The following CLVS1 variants were observed in gnomAD, a reference collection of about 807,000 sequenced individuals.
The protein encoded by CLVS1 is clavesin-1.
A neutral mutation model predicts 33.1 loss-of-function variants in CLVS1; 10 were observed. The ratio of observed to expected loss-of-function variants is 0.30; its 90% CI spans 0.19 to 0.51. The LOEUF is 0.51. CLVS1 is among the 20% of genes least tolerant of loss of function. CLVS1 has a pLI of 0.97. For missense variants in CLVS1, 343 were observed against 433.4 expected (o/e 0.79, Z 1.85); for synonymous variants, 163 against 166.1 (o/e 0.98, Z 0.14).
intron 5 of CLVS1, among the ~76,000 whole-genome samples, chr8:61,498,207 G>C (rs149066187): frequency 5.9e-5 from 9 of 152,280 alleles, no homozygotes; most frequent in African/African-American, 2.2e-4. Flanking sequence ...AACTGATACA[G>C]TGTGACCTAA....
At position 61,458,336 on chromosome 8, in the gene CLVS1, C is replaced by G; in HGVS notation, c.771C>G (p.Ser257Arg). The change falls in exon 5 of 6, where the codon AGC (serine) becomes AGG (arginine). Residue 257 changes from serine (S) to arginine (R), a missense_variant. Around this residue, in one of 4 missense-constraint regions of CLVS1, gnomAD observed 166 missense variants for 244.0 expected, o/e 0.68. Transcript: ENST00000325897. Reference sequence around the variant, plus strand: ...TCCTGCATGGAAACAATTTAAACAGCCTTCACCAGCTAATACACCCTGAAT... The same window carrying G: ...TCCTGCATGGAAACAATTTAAACAGGCTTCACCAGCTAATACACCCTGAAT... ...RIFLHGNNLN[S>R]LHQLIHPEFL... 2 of 1,613,852 alleles carry G rather than the reference C, an allele frequency of 1.2e-6. No homozygotes were observed. Among genetic ancestry groups the G allele is most frequent in the Non-Finnish European group, 1.7e-6 (2 of 1,179,860 alleles).
chr8:61,018,334 C>T, the CLVS1 span, among the ~76,000 whole-genome samples: 1 of 151,108 alleles, frequency 6.6e-6, no homozygotes, highest in Non-Finnish European at 1.5e-5. Context: ...ATACACAAAT[C>T]TAATATTTTA....
At chr8:60,982,496 T>A in the CLVS1 span, among the ~76,000 whole-genome samples, 1 of 152,202 alleles carries the variant, frequency 6.6e-6, no homozygotes, top group Non-Finnish European at 1.5e-5. Flanking sequence ...TTAAAAGGCC[T>A]ATGTAAAGTA....
At chr8:61,293,774 A>G (rs1466497896) in intron 1 of CLVS1, among the ~76,000 whole-genome samples, 1 of 152,162 alleles carries the variant, frequency 6.6e-6, no homozygotes, top group African/African-American at 2.4e-5. Flanking sequence ...ACACATACCA[A>G]TGGATGAGTT....
At chr8:61,473,407 G>A (rs555607737) in intron 5 of CLVS1, among the ~76,000 whole-genome samples, 3 of 151,872 alleles carry the variant, frequency 2.0e-5, no homozygotes, top group South Asian at 2.1e-4. Context: ...GGAAAATGAC[G>A]GGGGTGATGC....
intron 1 of CLVS1, among the ~76,000 whole-genome samples, chr8:61,072,957 C>T (rs1804826080): frequency 6.6e-6 from 1 of 152,148 alleles, no homozygotes; most frequent in African/African-American, 2.4e-5. Context: ...TTGTATGTGG[C>T]TATCCTCTGT....
intron 2 of CLVS1, among the ~76,000 whole-genome samples, chr8:61,354,128 C>T (rs1238097019): frequency 6.6e-6 from 1 of 152,002 alleles, no homozygotes; most frequent in Non-Finnish European, 1.5e-5. Flanking sequence ...TCTGGGCCCA[C>T]GTGCTTCCAC....
chr8:61,088,802 CTTTTTCTTTTT>C (rs1484969873), intron 1 of CLVS1, among the ~76,000 whole-genome samples: 5 of 146,558 alleles, frequency 3.4e-5, no homozygotes, highest in African/African-American at 1.3e-4. Flanking sequence ...CTTTTCTTTT[CTTTTTCTTTTT>C]TTTTTTGAGA....
Position 61,312,324 on chromosome 8 carries a change from C to G in CLVS1, c.455+12042C>G, listed in dbSNP as rs186308620. The stretch of plus-strand genomic sequence containing the variant: ...CAGCCACTGGGAAAGATTAAGTGCC[C>G]ATGCTTCGCTCCAGTTGTAAATCAA... On this transcript the variant is annotated intron_variant, in intron 2 of 5. Transcript: ENST00000325897. Among the ~76,000 whole-genome samples, 730 of 152,312 alleles carry G rather than the reference C, an allele frequency of 4.8e-3. 1 individual carries two copies. The highest frequency in any genetic ancestry group is 8.1e-3 in the Non-Finnish European group (551 of 68,038).
At chr8:61,146,786 A>T (rs1001605240) in intron 2 of CLVS1, among the ~76,000 whole-genome samples, 5 of 152,078 alleles carry the variant, frequency 3.3e-5, no homozygotes, top group Admixed American at 2.6e-4. Flanking sequence ...ACTTAACTTT[A>T]TCTGTAGTTT....
At chr8:61,120,718 C>A (rs1443111353) in intron 1 of CLVS1, among the ~76,000 whole-genome samples, 3 of 142,748 alleles carry the variant, frequency 2.1e-5, no homozygotes, top group African/African-American at 8.0e-5. Flanking sequence ...CTTGAGGAGG[C>A]AGTCTGCCCG....
intron 3 of CLVS1, among the ~76,000 whole-genome samples, chr8:61,451,167 A>T (rs967693627): frequency 3.0e-4 from 46 of 151,284 alleles, no homozygotes; most frequent in East Asian, 1.4e-3. Context: ...TAAAATGATT[A>T]AAAAAAAAGC....
chr8:61,485,531 G>A (rs926056733), intron 5 of CLVS1, among the ~76,000 whole-genome samples: 1 of 152,258 alleles, frequency 6.6e-6, no homozygotes, highest in Non-Finnish European at 1.5e-5. Context: ...GTGGAAGGCA[G>A]TGTGGCGATT....
At chr8:61,182,124 C>T (rs776837306) in intron 2 of CLVS1, among the ~76,000 whole-genome samples, 1 of 152,164 alleles carries the variant, frequency 6.6e-6, no homozygotes, top group East Asian at 1.9e-4. Context: ...AACTGCCTAG[C>T]CATATGCAGA....
At chr8:61,434,127 C>T (rs1358527036) in intron 3 of CLVS1, among the ~76,000 whole-genome samples, 1 of 152,084 alleles carries the variant, frequency 6.6e-6, no homozygotes, top group Non-Finnish European at 1.5e-5. Flanking sequence ...CAGGGAATTA[C>T]AAGTTTTACT....
intron 5 of CLVS1, among the ~76,000 whole-genome samples, chr8:61,493,040 A>G (rs1354509535): frequency 1.3e-5 from 2 of 152,218 alleles, no homozygotes; most frequent in Non-Finnish European, 2.9e-5. Flanking sequence ...AACCATAACT[A>G]TATTGCACTG....
At chr8:61,174,093 G>A (rs1051140588) in intron 2 of CLVS1, among the ~76,000 whole-genome samples, 4 of 152,102 alleles carry the variant, frequency 2.6e-5, no homozygotes, top group Admixed American at 6.5e-5. Context: ...TAGTTTTCAA[G>A]TAACTTAATT....
chr8:61,501,507 G>A lies in CLVS1; in HGVS notation c.*1965G>A, dbSNP rs186183945. 1.3e-5 allele frequency: 2 copies of A among 152,224 alleles called. No homozygotes were observed. The highest frequency in any genetic ancestry group is 3.9e-4 in the East Asian group (2 of 5,186). The allele number at this position is 152,224 out of a possible 1,614,324, so 9.4% of individuals were successfully genotyped here. Reference sequence around the variant, plus strand: ...GACGACTTATAGTTTGAATTTATGTGTATGCAATATACATATGAGAACCAA... The same window carrying A: ...GACGACTTATAGTTTGAATTTATGTATATGCAATATACATATGAGAACCAA... On this transcript the variant is annotated 3_prime_UTR_variant, in exon 6 of 6. Coordinates refer to ENST00000325897, the MANE Select transcript of CLVS1 (RefSeq NM_173519.3).
At chr8:61,065,323 A>G (rs1804657194) in intron 1 of CLVS1, among the ~76,000 whole-genome samples, 1 of 152,250 alleles carries the variant, frequency 6.6e-6, no homozygotes, top group Non-Finnish European at 1.5e-5. Context: ...TATGTTCAGT[A>G]CAGATACAAT....
Sources: allele counts gnomAD v4.1 joint callset (sites outside exome capture counted in the v4.1 genomes callset), GRCh38; gene constraint gnomAD v4.1.1; regional missense constraint gnomAD v4.1.1; transcripts MANE v1.5; gene names NCBI Gene and HGNC (gene_info 2026-07-23, HGNC 2026-07-21).